The following ANKRD45 variants were observed in gnomAD, a reference collection of about 807,000 sequenced individuals.
ANKRD45 encodes ankyrin repeat domain-containing protein 45.
In ANKRD45, 21 loss-of-function variants were observed where a neutral mutation model predicts 28.1. That is an observed-to-expected ratio of 0.75 (90% CI 0.53 to 1.08). The LOEUF is 1.08. Ranked by LOEUF, ANKRD45 falls within the 50% of genes least tolerant of loss-of-function variation. ANKRD45 has a pLI of 0.00. For missense variants in ANKRD45, 261 were observed against 308.7 expected, an observed-to-expected ratio of 0.85 and a Z score of 1.16; for synonymous variants, 86 against 103.9, an observed-to-expected ratio of 0.83 and a Z score of 1.05.
intron 5 of ANKRD45, among the ~76,000 whole-genome samples, chr1:173,619,900 G>A (rs1472857235): frequency 1.3e-5 from 2 of 150,822 alleles, no homozygotes; most frequent in African/African-American, 2.4e-5. Flanking sequence ...AACAAGAAGA[G>A]CTAACTATCC....
intron 5 of ANKRD45, 68 bp downstream of exon 5, chr1:173,624,719 A>G: frequency 6.7e-7 from 1 of 1,486,760 alleles, no homozygotes; most frequent in Admixed American, 1.9e-5. Context: ...GAATATCTCA[A>G]AAATAACAAC....
At chr1:173,630,818 TAAAAAAAAAAA>T (rs60007196) in intron 3 of ANKRD45, among the ~76,000 whole-genome samples, 5 of 29,058 alleles carry the variant, frequency 1.7e-4, no homozygotes, top group Non-Finnish European at 3.8e-4. Context: ...AGACTCTGTC[TAAAAAAAAAAA>T]AAAAAAAAAA....
At chr1:173,616,258 T>A (rs1055926743) in intron 5 of ANKRD45, among the ~76,000 whole-genome samples, 1 of 152,118 alleles carries the variant, frequency 6.6e-6, no homozygotes, top group Non-Finnish European at 1.5e-5. Flanking sequence ...ACATACTATA[T>A]TATTTCATTT....
chr1:173,701,156 AAGTC>A, the ANKRD45 span, among the ~76,000 whole-genome samples: 1 of 152,252 alleles, frequency 6.6e-6, no homozygotes, highest in African/African-American at 2.4e-5. Flanking sequence ...AATCATTAAA[AAGTC>A]AGGAAACAAC....
At chr1:173,617,868 G>A (rs1667531712) in intron 5 of ANKRD45, among the ~76,000 whole-genome samples, 1 of 152,152 alleles carries the variant, frequency 6.6e-6, no homozygotes, top group Non-Finnish European at 1.5e-5. Flanking sequence ...CCTCCTACAG[G>A]AGTGTCCAGG....
the ANKRD45 span, among the ~76,000 whole-genome samples, chr1:173,696,558 A>C: frequency 2.0e-3 from 300 of 151,976 alleles, 2 homozygotes; most frequent in African/African-American, 6.8e-3. Flanking sequence ...GTTTTTGCTG[A>C]TTTTGTCAAA....
At chr1:173,697,434 A>G in the ANKRD45 span, among the ~76,000 whole-genome samples, 2 of 152,214 alleles carry the variant, frequency 1.3e-5, no homozygotes, top group African/African-American at 4.8e-5. Flanking sequence ...GGTTACCCAC[A>G]AAGGGAAGCC....
chr1:173,684,869 T>A, the ANKRD45 span, among the ~76,000 whole-genome samples: 2 of 152,232 alleles, frequency 1.3e-5, no homozygotes, highest in Non-Finnish European at 2.9e-5. Flanking sequence ...CCGTTGGTTG[T>A]AGATGTAGTT....
At chr1:173,630,010 CATATTTA>C (rs1430292044) in intron 3 of ANKRD45, among the ~76,000 whole-genome samples, 3 of 152,110 alleles carry the variant, frequency 2.0e-5, no homozygotes, top group African/African-American at 7.2e-5. Flanking sequence ...AGTGGCATGA[CATATTTA>C]AAGTGCTAAA....
At chr1:173,669,494 G>A (rs564223052) in intron 1 of ANKRD45, 2 of 456,076 alleles carry the variant, frequency 4.4e-6, no homozygotes, top group Admixed American at 4.7e-5. Context: ...CAAAGAGAAG[G>A]CCTGAGGAAC....
chr1:173,681,923 A>G, the ANKRD45 span, among the ~76,000 whole-genome samples: 11,578 of 151,756 alleles, frequency 0.076, 1,470 homozygotes, highest in African/African-American at 0.26. Context: ...GGTGGCACGC[A>G]CCTATAGTCC....
chr1:173,619,620 G>A (rs926268441), intron 5 of ANKRD45, among the ~76,000 whole-genome samples: 4 of 152,124 alleles, frequency 2.6e-5, no homozygotes, highest in African/African-American at 4.8e-5. Context: ...CTGAGGTCAG[G>A]AGTTCGAGAC....
At chr1:173,705,672 A>G in the ANKRD45 span, among the ~76,000 whole-genome samples, 2 of 152,026 alleles carry the variant, frequency 1.3e-5, no homozygotes, top group Non-Finnish European at 1.5e-5. Flanking sequence ...GTGTTAAAAA[A>G]AATTAAATAA....
the ANKRD45 span, among the ~76,000 whole-genome samples, chr1:173,683,098 A>G: frequency 6.6e-6 from 1 of 151,842 alleles, no homozygotes; most frequent in African/African-American, 2.4e-5. Flanking sequence ...AATGAGAAAA[A>G]GACCAAAACA....
At chr1:173,690,381 C>T in the ANKRD45 span, among the ~76,000 whole-genome samples, 7 of 151,976 alleles carry the variant, frequency 4.6e-5, no homozygotes, top group Non-Finnish European at 8.8e-5. Context: ...TCTAGGGGAT[C>T]CCACGTGCTG....
At chr1:173,621,395 C>A (rs971507530) in intron 5 of ANKRD45, among the ~76,000 whole-genome samples, 1 of 152,090 alleles carries the variant, frequency 6.6e-6, no homozygotes, top group African/African-American at 2.4e-5. Flanking sequence ...AACATTGATA[C>A]AAAAATCCTC....
chr1:173,658,994 T>G (rs979077064), intron 2 of ANKRD45, 97 bp downstream of exon 2: 2 of 1,485,470 alleles, frequency 1.3e-6, no homozygotes, highest in Admixed American at 4.6e-5. Flanking sequence ...ATGTAAAGTA[T>G]AAAACAGGCA....
Position 173,627,169 on chromosome 1 carries a change from T to C in ANKRD45, c.497-10A>G, listed in dbSNP as rs1351362911. 1.9e-6 allele frequency: 3 copies of C among 1,576,952 alleles called. No homozygotes were observed. The highest frequency in any genetic ancestry group is 4.5e-5 in the East Asian group (2 of 44,696). ...AGAGTCAGCCTTGCATCTGAAAGAA[T>C]GGACAGAAACACACACATGACAAGA... is the stretch of plus-strand genomic sequence containing the variant. On this transcript the variant is annotated splice_polypyrimidine_tract_variant and intron_variant, in intron 3 of 5. Coordinates refer to ENST00000333279, the MANE Select transcript of ANKRD45 (RefSeq NM_198493.3).
Position 173,642,564 on chromosome 1 carries a change from T to C in ANKRD45, c.496+4282A>G, listed in dbSNP as rs897563434. Among the ~76,000 whole-genome samples, 4 of 152,366 alleles carry C rather than the reference T, an allele frequency of 2.6e-5. No homozygotes were observed. The South Asian group carries it at 8.3e-4, about 32-fold the overall frequency. ...AAATTTACTCAAAGACCTGTGCTAA[T>C]ATTCTTAAATTCTGCTAGCTGTAAT... On this transcript the variant is annotated intron_variant, in intron 3 of 5. Coordinates refer to ENST00000333279, the MANE Select transcript of ANKRD45 (RefSeq NM_198493.3).
Sources: gnomAD v4.1 joint callset for allele counts (sites outside exome capture counted in the v4.1 genomes callset) on GRCh38, gnomAD v4.1.1 for gene constraint, MANE v1.5 for transcripts, NCBI Gene and HGNC (gene_info 2026-07-23, HGNC 2026-07-21) for gene names.